KCNAB1: variants seen among roughly 807,000 people sequenced by gnomAD.
The protein encoded by KCNAB1 is voltage-gated potassium channel subunit beta-1.
A neutral mutation model predicts 64.6 loss-of-function variants in KCNAB1; 35 were observed. That is an observed-to-expected ratio of 0.54 (90% CI 0.41 to 0.72). The LOEUF (loss-of-function observed/expected upper bound fraction) is 0.72, where lower values mean the gene tolerates loss of function less well. KCNAB1 is among the 30% of genes least tolerant of loss of function. The pLI is 0.00. For missense variants in KCNAB1, 401 were observed against 512.9 expected (o/e 0.78, Z 2.11); for synonymous variants, 177 against 183.8 (o/e 0.96, Z 0.30).
chr3:156,222,522 A>G (rs1451388483), intron 1 of KCNAB1, among the ~76,000 whole-genome samples: 1 of 152,224 alleles, frequency 6.6e-6, no homozygotes, highest in African/African-American at 2.4e-5. Context: ...CAGGTCATCA[A>G]GACAGAAAGT....
At chr3:156,361,497 A>G (rs1208863389) in intron 1 of KCNAB1, among the ~76,000 whole-genome samples, 1 of 152,190 alleles carries the variant, frequency 6.6e-6, no homozygotes. Flanking sequence ...ATATATACAC[A>G]CACATAAAGG....
chr3:156,133,164 G>C (rs910590905), intron 1 of KCNAB1, among the ~76,000 whole-genome samples: 1 of 152,218 alleles, frequency 6.6e-6, no homozygotes, highest in Non-Finnish European at 1.5e-5. Context: ...TTACCTCTGG[G>C]ATTTAGGAGG....
intron 1 of KCNAB1, among the ~76,000 whole-genome samples, chr3:156,252,201 A>G (rs902213345): frequency 6.6e-6 from 1 of 152,246 alleles, no homozygotes; most frequent in Non-Finnish European, 1.5e-5. Flanking sequence ...GATGCAGGAA[A>G]CATGTGCTCA....
At chr3:156,370,710 T>C (rs1240768438) in intron 1 of KCNAB1, among the ~76,000 whole-genome samples, 2 of 152,228 alleles carry the variant, frequency 1.3e-5, no homozygotes, top group Admixed American at 1.3e-4. Context: ...CCCACTGTTG[T>C]GCCGAACTTC....
chr3:156,492,838 C>T (rs183352928), intron 8 of KCNAB1, among the ~76,000 whole-genome samples: 7 of 152,010 alleles, frequency 4.6e-5, no homozygotes, highest in African/African-American at 1.4e-4. Context: ...GAGAGCAATA[C>T]GTAAATATTA....
At chr3:156,325,738 A>G (rs1722932863) in intron 1 of KCNAB1, among the ~76,000 whole-genome samples, 2 of 152,058 alleles carry the variant, frequency 1.3e-5, no homozygotes, top group South Asian at 4.1e-4. Context: ...GGATAGCTTG[A>G]GCCCAGGAGT....
At chr3:156,337,517 A>C (rs140195028) in intron 1 of KCNAB1, among the ~76,000 whole-genome samples, 55 of 152,194 alleles carry the variant, frequency 3.6e-4, no homozygotes, top group Non-Finnish European at 7.4e-4. Context: ...AGAGGCACCA[A>C]GTGGGCACTG....
intron 1 of KCNAB1, among the ~76,000 whole-genome samples, chr3:156,209,573 A>G (rs1185388041): frequency 3.3e-5 from 5 of 152,252 alleles, no homozygotes; most frequent in Non-Finnish European, 5.9e-5. Flanking sequence ...TATAGACTGC[A>G]TGCATTTCAG....
intron 1 of KCNAB1, among the ~76,000 whole-genome samples, chr3:156,250,656 C>T (rs1314141825): frequency 6.6e-6 from 1 of 152,138 alleles, no homozygotes; most frequent in African/African-American, 2.4e-5. Context: ...TTTTGACTAG[C>T]TGGCTACATT....
At chr3:156,507,650 C>T (rs1716915062) in intron 8 of KCNAB1, among the ~76,000 whole-genome samples, 1 of 152,192 alleles carries the variant, frequency 6.6e-6, no homozygotes, top group Admixed American at 6.5e-5. Flanking sequence ...CCACAAGCTT[C>T]TGAAGTTAAA....
chr3:156,313,699 G>A (rs371538585), intron 1 of KCNAB1, among the ~76,000 whole-genome samples: 9 of 152,236 alleles, frequency 5.9e-5, no homozygotes, highest in African/African-American at 2.2e-4. Flanking sequence ...ACTTGACTGA[G>A]TTAGGGATTC....
chr3:156,388,544 C>G (rs529484296), intron 1 of KCNAB1, among the ~76,000 whole-genome samples: 1 of 152,324 alleles, frequency 6.6e-6, no homozygotes, highest in East Asian at 1.9e-4. Context: ...TTGGGAAGTT[C>G]TGGTGTGAGC....
At chr3:156,171,226 C>CACACACACAT (rs34943943) in intron 1 of KCNAB1, among the ~76,000 whole-genome samples, 1 of 151,544 alleles carries the variant, frequency 6.6e-6, no homozygotes, top group East Asian at 1.9e-4. Context: ...CACACACACA[C>CACACACACAT]TGAAATCAGT....
intron 1 of KCNAB1, among the ~76,000 whole-genome samples, chr3:156,230,919 G>C (rs866773771): frequency 6.6e-6 from 1 of 152,132 alleles, no homozygotes; most frequent in South Asian, 2.1e-4. Flanking sequence ...ACATCCTGAG[G>C]ATCTGTTGGG....
At chr3:156,153,413 C>A (rs1336159053) in intron 1 of KCNAB1, among the ~76,000 whole-genome samples, 1 of 152,158 alleles carries the variant, frequency 6.6e-6, no homozygotes, top group African/African-American at 2.4e-5. Context: ...TTTTGTTTAA[C>A]CTTAATTTGC....
At position 156,247,561 on chromosome 3, in the gene KCNAB1, A is replaced by AT. The variant is rs968624616; in HGVS notation, c.275+126682dup. Among the ~76,000 whole-genome samples, 28 of 151,922 alleles carry AT rather than the reference A, an allele frequency of 1.8e-4. No individual in the cohort carries two copies. In the Middle Eastern group the frequency reaches 0.01, roughly 55 times the overall value. ...TTCTTCCAGCAGACTGAACCACAGT[A>AT]TTTTTTTGCGGGGGAGAGGAAGATA... is the stretch of plus-strand genomic sequence containing the variant. On this transcript the variant is annotated intron_variant, in intron 1 of 13. Transcript: ENST00000490337.
At chr3:156,480,888 A>G (rs1462598530) in intron 8 of KCNAB1, among the ~76,000 whole-genome samples, 1 of 152,132 alleles carries the variant, frequency 6.6e-6, no homozygotes, top group Non-Finnish European at 1.5e-5. Flanking sequence ...CTCAATAAAT[A>G]TTTATTGACT....
chr3:156,366,065 C>T (rs568637677), intron 1 of KCNAB1, among the ~76,000 whole-genome samples: 1 of 152,178 alleles, frequency 6.6e-6, no homozygotes, highest in South Asian at 2.1e-4. Flanking sequence ...AAGTTTTGGC[C>T]CTCAAAAAGT....
At chr3:156,305,493 G>A (rs9289963) in intron 1 of KCNAB1, among the ~76,000 whole-genome samples, 18,957 of 152,042 alleles carry the variant, frequency 0.12, 3,793 homozygotes, top group African/African-American at 0.42. Context: ...AATTCTCTAT[G>A]AGACTTGTCC....
Sources: gnomAD v4.1 joint callset for allele counts (sites outside exome capture counted in the v4.1 genomes callset) on GRCh38, gnomAD v4.1.1 for gene constraint, MANE v1.5 for transcripts, NCBI Gene and HGNC (gene_info 2026-07-23, HGNC 2026-07-21) for gene names.